Variants in DIS3L2 observed in about 807,000 individuals in gnomAD.
DIS3L2 encodes DIS3 like 3'-5' exoribonuclease 2, also known as DIS3-like exonuclease 2.
Under a neutral mutation model 97.5 loss-of-function variants are expected in DIS3L2, and 34 were observed. The ratio of observed to expected loss-of-function variants is 0.35; its 90% CI spans 0.27 to 0.46. DIS3L2 has a LOEUF of 0.46. Among genes scored for constraint, DIS3L2 ranks in the 20% least tolerant of loss-of-function variants. The probability of loss-of-function intolerance (pLI) is 1.00; values close to 1 mark genes in which losing one functional copy is unlikely to be tolerated. For missense variants in DIS3L2, 1,038 were observed against 1,146.0 expected, an observed-to-expected ratio of 0.91 and a Z score of 1.36; for synonymous variants, 435 against 445.2, an observed-to-expected ratio of 0.98 and a Z score of 0.29.
rs182161711 is a variant in DIS3L2 at position 232,246,447 on chromosome 2, G to T, written c.1318-2792G>T. Among the ~76,000 whole-genome samples, 3 of 152,334 alleles carry T rather than the reference G, an allele frequency of 2.0e-5. No homozygotes were observed. In the East Asian group the frequency reaches 5.8e-4, roughly 29 times the overall value. On this transcript the variant is annotated intron_variant, in intron 11 of 20. Transcript: ENST00000325385. ...GCCAGTGCCCCGGGAGAGGGCCAGG[G>T]CACAAAGCTGAAGGGGATGCTTGAG...
In DIS3L2 at chr2:232,261,997, A is replaced by G. The variant is rs917147742; in HGVS notation, c.1426-1210A>G. On this transcript the variant is annotated intron_variant, in intron 12 of 20. Coordinates refer to ENST00000325385, the MANE Select transcript of DIS3L2 (RefSeq NM_152383.5). Reference sequence around the variant, plus strand: ...TGTGAACAATGCCTGTCTCATAGCAATTGCTCTCTGAGTGCCCTGTGTTGT... The same window carrying G: ...TGTGAACAATGCCTGTCTCATAGCAGTTGCTCTCTGAGTGCCCTGTGTTGT... 2.0e-5 allele frequency among the ~76,000 whole-genome samples: 3 copies of G among 152,134 alleles called. No individual in the cohort carries two copies. In the East Asian group the frequency reaches 5.8e-4, roughly 29 times the overall value.
At chr2:232,009,032 C>G (rs1162896233) in intron 1 of DIS3L2, among the ~76,000 whole-genome samples, 1 of 152,110 alleles carries the variant, frequency 6.6e-6, no homozygotes, top group Non-Finnish European at 1.5e-5. Flanking sequence ...CAGTTGTTGT[C>G]TTTCCACTTG....
chr2:231,974,461 G>C (rs1337779530), intron 1 of DIS3L2, among the ~76,000 whole-genome samples: 1 of 149,860 alleles, frequency 6.7e-6, no homozygotes, highest in Non-Finnish European at 1.5e-5. Context: ...TTTTTCTGTG[G>C]TGTCTAATCT....
chr2:232,093,642 C>T (rs537840607), intron 6 of DIS3L2, among the ~76,000 whole-genome samples: 61 of 152,148 alleles, frequency 4.0e-4, no homozygotes, highest in African/African-American at 1.4e-3. Context: ...AGGAATTTAT[C>T]AATTTCCTAC....
intron 6 of DIS3L2, among the ~76,000 whole-genome samples, chr2:232,116,219 TAAAA>T (rs1559644922): frequency 1.3e-5 from 2 of 150,200 alleles, no homozygotes; most frequent in African/African-American, 4.9e-5. Context: ...AATAAATAAA[TAAAA>T]CAGATGAATA....
At chr2:231,968,295 A>G (rs1341179249) in intron 1 of DIS3L2, among the ~76,000 whole-genome samples, 2 of 152,038 alleles carry the variant, frequency 1.3e-5, no homozygotes, top group Non-Finnish European at 2.9e-5. Flanking sequence ...ACGGGGTTTC[A>G]TTGTGTTAGC....
intron 13 of DIS3L2, among the ~76,000 whole-genome samples, chr2:232,279,313 G>A (rs1325867551): frequency 6.6e-6 from 1 of 152,170 alleles, no homozygotes; most frequent in Non-Finnish European, 1.5e-5. Context: ...TAGGTGTGGT[G>A]ATAGGTGCAT....
chr2:231,964,658 G>A (rs1282538368), intron 1 of DIS3L2, among the ~76,000 whole-genome samples: 30 of 152,124 alleles, frequency 2.0e-4, no homozygotes, highest in Admixed American at 2.0e-3. Flanking sequence ...ATAAAATGTG[G>A]GAGTTTCTAT....
intron 14 of DIS3L2, among the ~76,000 whole-genome samples, chr2:232,316,685 A>G (rs547679753): frequency 6.6e-6 from 1 of 152,254 alleles, no homozygotes; most frequent in East Asian, 1.9e-4. Context: ...GCTTCTGCCT[A>G]TTTCCTGGTT....
intron 12 of DIS3L2, among the ~76,000 whole-genome samples, chr2:232,252,148 C>T (rs1177488172): frequency 6.6e-6 from 1 of 152,220 alleles, no homozygotes; most frequent in African/African-American, 2.4e-5. Context: ...TGGCTCATGC[C>T]TGTTATCCTA....
chr2:232,103,052 A>G (rs1257044316), intron 6 of DIS3L2, among the ~76,000 whole-genome samples: 3 of 152,176 alleles, frequency 2.0e-5, no homozygotes, highest in Non-Finnish European at 2.9e-5. Flanking sequence ...GAAGCCTTCA[A>G]GTAATTTTGT....
intron 12 of DIS3L2, among the ~76,000 whole-genome samples, chr2:232,255,246 A>G (rs1389483704): frequency 6.6e-6 from 1 of 152,234 alleles, no homozygotes; most frequent in Non-Finnish European, 1.5e-5. Flanking sequence ...CTGTGTGGCC[A>G]AAGTCTGAGG....
At chr2:232,329,785 T>TGCCCGGGGGGGCC in intron 14 of DIS3L2, 28 bp from the exon 15 acceptor site, 248 of 967,002 alleles carry the variant, frequency 2.6e-4, no homozygotes, top group Middle Eastern at 3.5e-4. Flanking sequence ...ACCCCAGCGG[T>TGCCCGGGGGGGCC]CCCTCCCATC....
chr2:232,216,165 T>C (rs1692326597), intron 10 of DIS3L2, among the ~76,000 whole-genome samples: 2 of 152,122 alleles, frequency 1.3e-5, no homozygotes, highest in Non-Finnish European at 2.9e-5. Context: ...CTTTCTCACT[T>C]CCCGTGTATT....
chr2:232,229,831 A>C (rs562692832), intron 10 of DIS3L2, among the ~76,000 whole-genome samples: 1 of 152,322 alleles, frequency 6.6e-6, no homozygotes, highest in Admixed American at 6.5e-5. Flanking sequence ...CCAGTTAAGG[A>C]GTTTGCAACT....
Position 232,163,579 on chromosome 2 carries a change from A to T in DIS3L2, c.1071A>T (p.Gln357His). The change falls in exon 9 of 21, where the codon CAA becomes CAT. Residue 357 changes from glutamine (Q) to histidine (H), a missense_variant. By Grantham distance (24) the Gln-to-His change is conservative. Around this residue, in one of 3 missense-constraint regions of DIS3L2, gnomAD observed 813 missense variants for 880.1 expected, o/e 0.92. Transcript: ENST00000325385. ...CAGAAGTTCTAGAATGTCTTCCTCA[A>T]GGCCTGCCATGGACAATTCCACCAG... ...FSSEVLECLP[Q>H]GLPWTIPPEE... is the part of the protein sequence containing the mutation. The T allele has an allele frequency of 6.2e-7, 1 of 1,614,102 alleles. No individual in the cohort carries two copies.
Position 232,217,776 on chromosome 2 carries a change from C to A in DIS3L2, c.1204+7371C>A, listed in dbSNP as rs1280495384. ...TCCATGCCTTCCCCAGGCATGCCACCCTCCAGGAACCTGCATGTGTTCAGC... is the reference window on the plus strand; with the variant it reads ...TCCATGCCTTCCCCAGGCATGCCACACTCCAGGAACCTGCATGTGTTCAGC... On this transcript the variant is annotated intron_variant, in intron 10 of 20. Transcript: ENST00000325385. 2.0e-5 allele frequency among the ~76,000 whole-genome samples: 3 copies of A among 152,196 alleles called. No individual in the cohort carries two copies. The East Asian group carries it at 5.8e-4, about 29-fold the overall frequency.
intron 6 of DIS3L2, among the ~76,000 whole-genome samples, chr2:232,110,022 C>T (rs1381225589): frequency 1.3e-5 from 2 of 152,018 alleles, no homozygotes; most frequent in Non-Finnish European, 2.9e-5. Flanking sequence ...AAAACACATC[C>T]CCATTAAAAA....
At chr2:231,970,842 A>G (rs534510535) in intron 1 of DIS3L2, among the ~76,000 whole-genome samples, 10 of 152,174 alleles carry the variant, frequency 6.6e-5, no homozygotes, top group African/African-American at 1.4e-4. Flanking sequence ...TGATTCTTAT[A>G]ATAATACTTA....
Sources: gnomAD v4.1 joint callset for allele counts (sites outside exome capture counted in the v4.1 genomes callset) on GRCh38, gnomAD v4.1.1 for gene constraint, gnomAD v4.1.1 regional missense constraint, MANE v1.5 for transcripts, NCBI Gene and HGNC (gene_info 2026-07-23, HGNC 2026-07-21) for gene names.